The following PLD1 variants were observed in gnomAD, a reference collection of about 807,000 sequenced individuals.
PLD1 encodes phospholipase D1.
A neutral mutation model predicts 137.1 loss-of-function variants in PLD1; 112 were observed. The ratio of observed to expected loss-of-function variants is 0.82; its 90% CI spans 0.70 to 0.96. PLD1 has a LOEUF of 0.96. PLD1 is among the 40% of genes least tolerant of loss of function. PLD1 has a pLI of 0.00. For missense variants in PLD1, 1,321 were observed against 1,342.0 expected (o/e 0.98, Z 0.24); for synonymous variants, 431 against 454.7 (o/e 0.95, Z 0.66).
chr3:171,692,041 A>G (rs1052380839), intron 13 of PLD1, among the ~76,000 whole-genome samples: 2 of 152,206 alleles, frequency 1.3e-5, no homozygotes, highest in African/African-American at 4.8e-5. Context: ...AAGTGTGAGA[A>G]CTTGATAGAG....
At chr3:171,746,594 T>C (rs574147935) in intron 1 of PLD1, among the ~76,000 whole-genome samples, 20 of 151,606 alleles carry the variant, frequency 1.3e-4, no homozygotes, top group Admixed American at 3.3e-4. Context: ...GGTTTGTAAA[T>C]ACACCAGTCA....
At chr3:171,701,229 C>CA (rs1716211970) in intron 11 of PLD1, among the ~76,000 whole-genome samples, 2 of 152,306 alleles carry the variant, frequency 1.3e-5, no homozygotes, top group South Asian at 2.1e-4. Context: ...GTAAGTCTTG[C>CA]ATATTTAATT....
rs142262673 is a variant in PLD1, at chr3:171,656,065, C to T, written c.2429+3148G>A. ...ACCATAATTTTTAAAGTCACAGATC[C>T]CTTTTCCTTTCAGGAGCAGCTCATA... On this transcript the variant is annotated intron_variant, in intron 21 of 26. Coordinates refer to ENST00000351298, the MANE Select transcript of PLD1 (RefSeq NM_002662.5). 9.9e-5 allele frequency among the ~76,000 whole-genome samples: 15 copies of T among 152,170 alleles called. No individual in the cohort carries two copies. In the East Asian group the frequency reaches 1.9e-3, roughly 20 times the overall value.
At chr3:171,795,344 CCTTT>C (rs1478375622) in intron 1 of PLD1, among the ~76,000 whole-genome samples, 1 of 151,818 alleles carries the variant, frequency 6.6e-6, no homozygotes, top group Admixed American at 6.5e-5. Flanking sequence ...AAAGCTTCTC[CCTTT>C]TTTTCTCTAC....
At chr3:171,616,603 G>C (rs1302646553) in intron 24 of PLD1, among the ~76,000 whole-genome samples, 1 of 152,156 alleles carries the variant, frequency 6.6e-6, no homozygotes, top group Non-Finnish European at 1.5e-5. Context: ...ACAGAAGAAT[G>C]GGTTGAGACT....
intron 11 of PLD1, among the ~76,000 whole-genome samples, chr3:171,703,909 TCTC>T (rs1309575824): frequency 6.6e-6 from 1 of 152,060 alleles, no homozygotes; most frequent in Non-Finnish European, 1.5e-5. Flanking sequence ...GCAGGGGAAA[TCTC>T]CTCTCCAATG....
In PLD1 at chr3:171,687,378, GC is replaced by G. The variant is rs1231890290; in HGVS notation, c.1745del (p.Ser582ThrfsTer15). On this transcript the variant is annotated frameshift_variant, in exon 15 of 27. Coordinates refer to ENST00000351298, the MANE Select transcript of PLD1 (RefSeq NM_002662.5). LOFTEE classifies it high-confidence loss of function. ...GTCAAGGCCATGACTTACTGGAGGTGCTGTCAATGCTGCTGATGCTATCTGC... is the reference window on the plus strand; with the variant it reads ...GTCAAGGCCATGACTTACTGGAGGTGTGTCAATGCTGCTGATGCTATCTGC... ...HDADSISSIDSTSSYFNHYRS... is the reference protein window; with the variant it reads ...HDADSISSIDXTSSYFNHYRS... 1.2e-6 allele frequency: 2 copies of G among 1,613,486 alleles called. No individual in the cohort carries two copies. Among genetic ancestry groups the G allele is most frequent in the African/African-American group, 2.7e-5 (2 of 74,926 alleles).
Position 171,634,482 on chromosome 3 carries a change from TAG to T in PLD1, c.2593+8356_2593+8357del, listed in dbSNP as rs765289477. Among the ~76,000 whole-genome samples the T allele has an allele frequency of 3.3e-5, 5 of 152,256 alleles. No homozygotes were observed. The East Asian group carries it at 5.8e-4, about 18-fold the overall frequency. On this transcript the variant is annotated intron_variant, in intron 23 of 26. Transcript: ENST00000351298. Reference sequence around the variant, plus strand: ...ATCTTCATTTTAGGCCATTAGAAAATAGAGACAGAGATAATACTCTGGCAAAT... The same window carrying T: ...ATCTTCATTTTAGGCCATTAGAAAATAGACAGAGATAATACTCTGGCAAAT...
At chr3:171,744,532 T>C (rs1440829156) in intron 1 of PLD1, among the ~76,000 whole-genome samples, 2 of 152,164 alleles carry the variant, frequency 1.3e-5, no homozygotes. Flanking sequence ...CTCTCCTGGT[T>C]TTATATCACA....
chr3:171,699,854 T>A (rs746832589), intron 11 of PLD1, 28 bp from the exon 12 acceptor site: 1 of 1,550,296 alleles, frequency 6.5e-7, no homozygotes, highest in Non-Finnish European at 8.9e-7. Flanking sequence ...AGATTTTAAG[T>A]AACTAAAACA....
At chr3:171,751,220 A>C (rs1720634898) in intron 1 of PLD1, among the ~76,000 whole-genome samples, 2 of 152,256 alleles carry the variant, frequency 1.3e-5, no homozygotes, top group African/African-American at 4.8e-5. Flanking sequence ...AGAGCTAAAC[A>C]TGAACTACAA....
At chr3:171,724,951 G>A (rs571864454) in intron 7 of PLD1, among the ~76,000 whole-genome samples, 163 bp from the exon 8 acceptor site, 3 of 128,234 alleles carry the variant, frequency 2.3e-5, no homozygotes, top group East Asian at 4.1e-4. Flanking sequence ...CTGTTAGGCC[G>A]GGTACCCTAG....
At position 171,764,903 on chromosome 3, in the gene PLD1, GGAAGGAAGGAA is replaced by G. The variant is rs1721790403; in HGVS notation, c.-31-26832_-31-26822del. 8.7e-5 allele frequency among the ~76,000 whole-genome samples: 3 copies of G among 34,430 alleles called. 1 individual carries two copies. The highest frequency in any genetic ancestry group is 8.2e-4 in the South Asian group (1 of 1,222). 22.6% of individuals were successfully genotyped at this position (34,430 alleles called of 152,430 possible). A position where few individuals can be genotyped will look rare whatever the true frequency, so the allele number is the denominator to read the frequency against. ...AGAAAGAAAGAAAGAAAGGAAGGAA[GGAAGGAAGGAA>G]AGAAAGAAAGGAAAGAAAGGAAAGA... On this transcript the variant is annotated intron_variant, in intron 1 of 26. Transcript: ENST00000351298.
intron 8 of PLD1, among the ~76,000 whole-genome samples, chr3:171,724,260 C>T (rs150810519): frequency 2.8e-4 from 43 of 152,302 alleles, no homozygotes; most frequent in Non-Finnish European, 5.0e-4. Context: ...ACAATATCTG[C>T]GGTTTCTCTA....
In PLD1 at chr3:171,674,513, T is replaced by C; in HGVS notation, c.2216A>G (p.His739Arg). ...ELRYQVPGSVHANVQLLRSAA... is the reference protein window; with the variant it reads ...ELRYQVPGSVRANVQLLRSAA... ...GAACTTACTTACCTGTACGTTAGCA[T>C]GGACAGACCCAGGCACTTGATATCT... The change falls in exon 19 of 27, where the codon CAT becomes CGT. Residue 739 changes from histidine to arginine, a missense_variant. Transcript: ENST00000351298. 1 of 1,585,196 alleles carries C rather than the reference T, an allele frequency of 6.3e-7. No individual in the cohort carries two copies. The highest frequency in any genetic ancestry group is 8.6e-7 in the Non-Finnish European group (1 of 1,156,374).
chr3:171,699,121 A>G (rs1716024365), intron 12 of PLD1, among the ~76,000 whole-genome samples: 1 of 152,218 alleles, frequency 6.6e-6, no homozygotes, highest in Non-Finnish European at 1.5e-5. Flanking sequence ...CATTAAAAAA[A>G]TCACTAGAAA....
intron 1 of PLD1, among the ~76,000 whole-genome samples, chr3:171,764,946 GAAAGAAAGAAAGAAAGAAA>G (rs1721836970): frequency 3.0e-4 from 7 of 22,982 alleles, no homozygotes; most frequent in Admixed American, 6.1e-4. Context: ...AAGAAAGAAA[GAAAGAAAGAAAGAAAGAAA>G]GAAAGAAAGA....
intron 1 of PLD1, among the ~76,000 whole-genome samples, chr3:171,746,238 A>G (rs1380333105): frequency 6.6e-6 from 1 of 152,192 alleles, no homozygotes; most frequent in Non-Finnish European, 1.5e-5. Context: ...GGTACCATTG[A>G]CTGCCCAAGA....
intron 8 of PLD1, among the ~76,000 whole-genome samples, chr3:171,720,247 T>C (rs190786021): frequency 2.3e-5 from 3 of 130,804 alleles, no homozygotes; most frequent in Admixed American, 8.7e-5. Flanking sequence ...TGAGCCGAGA[T>C]CATACCACTG....
Sources: allele counts gnomAD v4.1 joint callset (sites outside exome capture counted in the v4.1 genomes callset), GRCh38; gene constraint gnomAD v4.1.1; transcripts MANE v1.5; gene names NCBI Gene and HGNC (gene_info 2026-07-23, HGNC 2026-07-21).